The following PLCL1 variants were observed in gnomAD, a reference collection of about 807,000 sequenced individuals.
PLCL1 encodes the protein phospholipase C like 1 (inactive), also known as inactive phospholipase C-like protein 1.
A neutral mutation model predicts 84.4 loss-of-function variants in PLCL1; 41 were observed. The ratio of observed to expected loss-of-function variants is 0.49; its 90% CI spans 0.38 to 0.63. The LOEUF is 0.63. Ranked by LOEUF, PLCL1 falls within the 30% of genes least tolerant of loss-of-function variation. The pLI, the probability that PLCL1 is intolerant of heterozygous loss-of-function variation, is 0.00. For missense variants in PLCL1, 1,206 were observed against 1,367.8 expected, an observed-to-expected ratio of 0.88 and a Z score of 1.87; for synonymous variants, 490 against 488.3, an observed-to-expected ratio of 1.00 and a Z score of -0.05.
intron 1 of PLCL1, among the ~76,000 whole-genome samples, chr2:197,947,790 A>G (rs1027857750): frequency 2.0e-5 from 3 of 152,200 alleles, no homozygotes; most frequent in Non-Finnish European, 4.4e-5. Context: ...AGAGAGACTC[A>G]GATTTCATTA....
rs1690743071 is a variant in PLCL1 at position 197,818,729 on chromosome 2, TCTC to T, written c.240+13392_240+13394del. On this transcript the variant is annotated intron_variant, in intron 1 of 5. Coordinates refer to ENST00000428675, the MANE Select transcript of PLCL1 (RefSeq NM_006226.4). Reference sequence around the variant, plus strand: ...TGGTGGCGGCATTTAACTGTCTCCTTCTCCACCAAATCTCCCCATAAGTTCAGA... The same window carrying T: ...TGGTGGCGGCATTTAACTGTCTCCTTCACCAAATCTCCCCATAAGTTCAGA... Among the ~76,000 whole-genome samples the T allele has an allele frequency of 2.0e-5, 3 of 152,010 alleles. No homozygotes were observed. In the South Asian group the frequency reaches 6.2e-4, roughly 32 times the overall value.
At chr2:198,041,838 T>G (rs181775596) in intron 1 of PLCL1, among the ~76,000 whole-genome samples, 10 of 152,218 alleles carry the variant, frequency 6.6e-5, no homozygotes, top group Admixed American at 6.5e-4. Flanking sequence ...GTAACAAGGT[T>G]GATGATGGAG....
chr2:197,865,025 T>A (rs1687503293), intron 1 of PLCL1, among the ~76,000 whole-genome samples: 1 of 152,210 alleles, frequency 6.6e-6, no homozygotes, highest in Admixed American at 6.5e-5. Flanking sequence ...CCTCTAATTC[T>A]GTGTAGTGAC....
chr2:198,059,757 A>T (rs183299502), intron 1 of PLCL1, among the ~76,000 whole-genome samples: 2 of 152,300 alleles, frequency 1.3e-5, no homozygotes, highest in Admixed American at 6.5e-5. Context: ...AAAGGTTCTG[A>T]ATTCTCTGTT....
At chr2:198,079,028 T>C (rs745924535) in intron 1 of PLCL1, among the ~76,000 whole-genome samples, 1 of 152,076 alleles carries the variant, frequency 6.6e-6, no homozygotes, top group African/African-American at 2.4e-5. Flanking sequence ...TATATTGAAA[T>C]AATTTGATAT....
intron 1 of PLCL1, among the ~76,000 whole-genome samples, chr2:198,055,789 T>C (rs1408533844): frequency 1.3e-5 from 2 of 152,182 alleles, no homozygotes; most frequent in East Asian, 3.9e-4. Flanking sequence ...TGATGAAAGC[T>C]CCAGTGCTGT....
intron 1 of PLCL1, among the ~76,000 whole-genome samples, chr2:197,936,663 G>A (rs752899464): frequency 2.6e-5 from 4 of 152,244 alleles, no homozygotes; most frequent in Non-Finnish European, 5.9e-5. Context: ...CTTATCAGAT[G>A]TACAGTCTGC....
intron 1 of PLCL1, among the ~76,000 whole-genome samples, chr2:197,847,945 C>A (rs1687153167): frequency 6.6e-6 from 1 of 152,130 alleles, no homozygotes; most frequent in Non-Finnish European, 1.5e-5. Context: ...TCAGAGAGTG[C>A]AGCTGTGCAA....
chr2:198,127,821 T>C (rs1694024481), intron 5 of PLCL1, among the ~76,000 whole-genome samples: 2 of 152,170 alleles, frequency 1.3e-5, no homozygotes, highest in Admixed American at 1.3e-4. Flanking sequence ...ACTCCCTACC[T>C]AAGTCCAAAG....
At chr2:198,139,018 G>T (rs532709727) in intron 5 of PLCL1, among the ~76,000 whole-genome samples, 1 of 152,228 alleles carries the variant, frequency 6.6e-6, no homozygotes, top group South Asian at 2.1e-4. Flanking sequence ...AACTGGGTCT[G>T]GTGGCCTGTA....
At chr2:198,063,406 A>G (rs553020660) in intron 1 of PLCL1, among the ~76,000 whole-genome samples, 1 of 152,264 alleles carries the variant, frequency 6.6e-6, no homozygotes, top group African/African-American at 2.4e-5. Context: ...CAGCAAAACA[A>G]CATAATCAGA....
At chr2:197,814,801 G>C (rs1049543823) in intron 1 of PLCL1, among the ~76,000 whole-genome samples, 1 of 152,154 alleles carries the variant, frequency 6.6e-6, no homozygotes, top group Admixed American at 6.6e-5. Flanking sequence ...GAAAGTTTTA[G>C]CGATCTGGAT....
intron 5 of PLCL1, among the ~76,000 whole-genome samples, chr2:198,122,412 G>T (rs1203932607): frequency 6.6e-6 from 1 of 151,726 alleles, no homozygotes; most frequent in Admixed American, 6.6e-5. Context: ...TCCTTCCTTT[G>T]TGAATCATCA....
At chr2:198,054,515 A>C (rs1327963482) in intron 1 of PLCL1, among the ~76,000 whole-genome samples, 1 of 152,216 alleles carries the variant, frequency 6.6e-6, no homozygotes, top group African/African-American at 2.4e-5. Flanking sequence ...AGCCTGGAAC[A>C]CATCTAACAC....
At chr2:197,880,994 A>T (rs1687817509) in intron 1 of PLCL1, among the ~76,000 whole-genome samples, 1 of 152,182 alleles carries the variant, frequency 6.6e-6, no homozygotes, top group Non-Finnish European at 1.5e-5. Context: ...GTCAATGTGA[A>T]TTTAGAGCTG....
intron 3 of PLCL1, among the ~76,000 whole-genome samples, chr2:198,094,006 G>T (rs1369278620): frequency 6.6e-6 from 1 of 151,856 alleles, no homozygotes; most frequent in African/African-American, 2.4e-5. Flanking sequence ...TTAAATATTT[G>T]AAAATATTTC....
At chr2:197,839,500 A>T (rs377503567) in intron 1 of PLCL1, among the ~76,000 whole-genome samples, 1 of 152,218 alleles carries the variant, frequency 6.6e-6, no homozygotes, top group Non-Finnish European at 1.5e-5. Flanking sequence ...TAATGCTGCC[A>T]CTGGTCTGAC....
At chr2:198,041,466 T>C (rs1691662212) in intron 1 of PLCL1, among the ~76,000 whole-genome samples, 1 of 152,190 alleles carries the variant, frequency 6.6e-6, no homozygotes, top group Non-Finnish European at 1.5e-5. Context: ...TTATAGAATT[T>C]TTCAGTCAGT....
rs565001098 is a variant in PLCL1 at position 197,843,084 on chromosome 2, T to C, written c.240+37745T>C. On this transcript the variant is annotated intron_variant, in intron 1 of 5. Coordinates refer to ENST00000428675, the MANE Select transcript of PLCL1 (RefSeq NM_006226.4). The stretch of plus-strand genomic sequence containing the variant: ...CATATTTCTTTATTCATCTGTGTGT[T>C]TTATCTTACACCAGGGATGGCAAAT... 7.3e-4 allele frequency among the ~76,000 whole-genome samples: 111 copies of C among 152,326 alleles called. 1 individual carries two copies. Among genetic ancestry groups the C allele is most frequent in the African/African-American group, 2.6e-3 (109 of 41,572 alleles).
Sources: gnomAD v4.1 joint callset for allele counts (sites outside exome capture counted in the v4.1 genomes callset) on GRCh38, gnomAD v4.1.1 for gene constraint, MANE v1.5 for transcripts, NCBI Gene and HGNC (gene_info 2026-07-23, HGNC 2026-07-21) for gene names.